Variants in DAB1 observed in about 807,000 individuals in gnomAD.
The protein encoded by DAB1 is disabled homolog 1.
In DAB1, 15 loss-of-function variants were observed where a neutral mutation model predicts 64.6. The observed-to-expected ratio is 0.23, with a 90% CI of 0.16 to 0.36. DAB1 has a LOEUF of 0.36. Ranked by LOEUF, DAB1 falls within the 10% of genes least tolerant of loss-of-function variation. The pLI is 1.00. For synonymous variants in DAB1, 235 were observed against 251.9 expected, an observed-to-expected ratio of 0.93 and a Z score of 0.64; for missense variants, 596 against 706.7, an observed-to-expected ratio of 0.84 and a Z score of 1.78.
intron 2 of DAB1, among the ~76,000 whole-genome samples, chr1:57,178,141 T>C (rs1421903397): frequency 6.6e-6 from 1 of 152,142 alleles, no homozygotes; most frequent in East Asian, 1.9e-4. Context: ...AACTCACTGT[T>C]TGTAAGATTA....
At chr1:58,434,339 T>G (rs1472609597) in intron 3 of DAB1, among the ~76,000 whole-genome samples, 1 of 151,300 alleles carries the variant, frequency 6.6e-6, no homozygotes, top group Admixed American at 6.6e-5. Context: ...GTGAATACAG[T>G]AGTAGCTCTC....
intron 2 of DAB1, among the ~76,000 whole-genome samples, chr1:57,212,535 CT>C (rs1302761601): frequency 2.6e-5 from 4 of 151,212 alleles, no homozygotes; most frequent in Non-Finnish European, 5.9e-5. Context: ...GCCTGGCTAA[CT>C]TTTTGTATTT....
At chr1:57,614,944 C>T (rs1317195755) in intron 7 of DAB1, among the ~76,000 whole-genome samples, 1 of 144,198 alleles carries the variant, frequency 6.9e-6, no homozygotes, top group Non-Finnish European at 1.5e-5. Flanking sequence ...TGTCTCGGCT[C>T]ACTGCAAACT....
intron 5 of DAB1, among the ~76,000 whole-genome samples, chr1:57,955,203 C>T (rs908362618): frequency 3.9e-5 from 6 of 152,166 alleles, no homozygotes; most frequent in Admixed American, 3.9e-4. Context: ...TTTAGCCTCT[C>T]TGATGTGCCA....
intron 5 of DAB1, among the ~76,000 whole-genome samples, chr1:57,889,895 G>GC (rs1557539155): frequency 9.5e-6 from 1 of 105,690 alleles, no homozygotes; most frequent in Admixed American, 9.8e-5. Context: ...AGCACAAACT[G>GC]GGGCGGGGGG....
intron 3 of DAB1, among the ~76,000 whole-genome samples, chr1:58,350,584 G>A (rs1644045961): frequency 6.6e-6 from 1 of 152,056 alleles, no homozygotes; most frequent in African/African-American, 2.4e-5. Flanking sequence ...GAGTTTTTAT[G>A]GTTTTAGGTC....
intron 3 of DAB1, among the ~76,000 whole-genome samples, chr1:58,373,142 T>G (rs961504993): frequency 4.6e-5 from 7 of 151,958 alleles, no homozygotes; most frequent in African/African-American, 1.7e-4. Context: ...AATACTTTTC[T>G]AACCAAAGCA....
intron 6 of DAB1, among the ~76,000 whole-genome samples, chr1:57,774,838 G>A (rs1383649047): frequency 6.6e-6 from 1 of 151,710 alleles, no homozygotes; most frequent in Non-Finnish European, 1.5e-5. Context: ...TTTCGTGTGG[G>A]AGTGGTACTA....
intron 6 of DAB1, among the ~76,000 whole-genome samples, chr1:57,797,485 A>T (rs1650927969): frequency 3.3e-5 from 5 of 152,240 alleles, no homozygotes; most frequent in Admixed American, 2.6e-4. Flanking sequence ...TGGCTAAAAG[A>T]GATAGATGTC....
intron 7 of DAB1, among the ~76,000 whole-genome samples, chr1:57,609,338 G>C (rs1645698087): frequency 1.3e-5 from 2 of 152,298 alleles, no homozygotes; most frequent in South Asian, 4.1e-4. Context: ...AACTATTCGT[G>C]TAGCGTTGAC....
In DAB1 at chr1:57,517,144, C is replaced by T. The variant is rs1000792729; in HGVS notation, n.625+132448G>A. On this transcript the variant is annotated intron_variant and non_coding_transcript_variant, in intron 7 of 20. Coordinates refer to the DAB1 transcript ENST00000485760. ...CATTTACTTATTTGCTTGTTTCCTT[C>T]TTTCCTTTCTTTTTATTTATTTATT... Among the ~76,000 whole-genome samples, 21 of 152,106 alleles carry T rather than the reference C, an allele frequency of 1.4e-4. 1 individual carries two copies. Among genetic ancestry groups the T allele is most frequent in the African/African-American group, 4.8e-4 (20 of 41,530 alleles).
At chr1:57,298,316 G>C (rs1673367182) in intron 1 of DAB1, among the ~76,000 whole-genome samples, 1 of 152,146 alleles carries the variant, frequency 6.6e-6, no homozygotes, top group Non-Finnish European at 1.5e-5. Flanking sequence ...AAGTGCTATA[G>C]AAACTTTTGG....
chr1:58,546,012 G>C (rs1646697118), intron 1 of DAB1, among the ~76,000 whole-genome samples: 1 of 152,174 alleles, frequency 6.6e-6, no homozygotes, highest in Non-Finnish European at 1.5e-5. Context: ...TGCCAAATAA[G>C]GGATTTTCAT....
intron 7 of DAB1, among the ~76,000 whole-genome samples, chr1:57,624,252 T>C (rs1162739932): frequency 2.0e-5 from 3 of 152,238 alleles, no homozygotes; most frequent in Non-Finnish European, 4.4e-5. Flanking sequence ...TTGTAAATCC[T>C]TATCATATCA....
At position 58,455,735 on chromosome 1, in the gene DAB1, G is replaced by T. The variant is rs541896625; in HGVS notation, n.257+50325C>A. On this transcript the variant is annotated intron_variant and non_coding_transcript_variant, in intron 3 of 20. Coordinates refer to the DAB1 transcript ENST00000485760. Reference sequence around the variant, plus strand: ...TTGCCTTTCCTTTAAAAAACAAAAAGACACAAATATATCCTCTAATTGGAT... The same window carrying T: ...TTGCCTTTCCTTTAAAAAACAAAAATACACAAATATATCCTCTAATTGGAT... Among the ~76,000 whole-genome samples, 5 of 152,280 alleles carry T rather than the reference G, an allele frequency of 3.3e-5. 1 individual carries two copies. The South Asian group carries it at 1.0e-3, about 32-fold the overall frequency.
intron 5 of DAB1, among the ~76,000 whole-genome samples, chr1:58,114,960 T>C (rs1345179167): frequency 1.3e-5 from 2 of 152,028 alleles, no homozygotes; most frequent in Admixed American, 6.6e-5. Context: ...CCAAAAGCAA[T>C]GGCAACAGAA....
chr1:57,769,372 A>G (rs527697083), intron 6 of DAB1, among the ~76,000 whole-genome samples: 9 of 152,270 alleles, frequency 5.9e-5, no homozygotes, highest in African/African-American at 1.7e-4. Flanking sequence ...GTGAGGATCA[A>G]CATTATGCTA....
At chr1:57,309,757 T>A (rs1035785499) in intron 1 of DAB1, among the ~76,000 whole-genome samples, 16 of 152,168 alleles carry the variant, frequency 1.1e-4, no homozygotes, top group Non-Finnish European at 1.9e-4. Flanking sequence ...CCCATGTTGA[T>A]CATGCTGCAG....
chr1:58,015,722 T>C (rs1646729126), intron 5 of DAB1, among the ~76,000 whole-genome samples: 1 of 152,190 alleles, frequency 6.6e-6, no homozygotes, highest in African/African-American at 2.4e-5. Context: ...CCACACCTAT[T>C]GAAGATTTTA....
Sources: allele counts gnomAD v4.1 joint callset (sites outside exome capture counted in the v4.1 genomes callset), GRCh38; gene constraint gnomAD v4.1.1; transcripts MANE v1.5; gene names NCBI Gene and HGNC (gene_info 2026-07-23, HGNC 2026-07-21).